The following SLC2A13 variants were observed in gnomAD, a reference collection of about 807,000 sequenced individuals.
SLC2A13 encodes the protein proton myo-inositol cotransporter.
In SLC2A13, 32 loss-of-function variants were observed where a neutral mutation model predicts 64.4. That is an observed-to-expected ratio of 0.50 (90% CI 0.37 to 0.67). The LOEUF (loss-of-function observed/expected upper bound fraction) is 0.67, where lower values mean the gene tolerates loss of function less well. Among genes scored for constraint, SLC2A13 ranks in the 30% least tolerant of loss-of-function variants. The pLI is 0.00. For synonymous variants in SLC2A13, 338 were observed against 327.1 expected, an observed-to-expected ratio of 1.03 and a Z score of -0.36; for missense variants, 743 against 829.2, an observed-to-expected ratio of 0.90 and a Z score of 1.28.
intron 1 of SLC2A13, among the ~76,000 whole-genome samples, chr12:40,049,103 T>C (rs1030325540): frequency 3.3e-5 from 5 of 152,142 alleles, no homozygotes; most frequent in Admixed American, 2.0e-4. Flanking sequence ...TCTGATTATT[T>C]AGCCTATTTT....
At chr12:40,104,972 G>A (rs997555032) in intron 1 of SLC2A13, among the ~76,000 whole-genome samples, 6 of 152,132 alleles carry the variant, frequency 3.9e-5, no homozygotes, top group African/African-American at 1.2e-4. Context: ...GTGCTGAGAG[G>A]CAACAACCAC....
chr12:39,787,309 T>C (rs1941227349), intron 7 of SLC2A13, among the ~76,000 whole-genome samples: 1 of 152,224 alleles, frequency 6.6e-6, no homozygotes, highest in South Asian at 2.1e-4. Context: ...GAAATGAAAT[T>C]AGTATTAAAA....
intron 1 of SLC2A13, among the ~76,000 whole-genome samples, chr12:40,055,153 T>A (rs879734609): frequency 6.6e-6 from 1 of 152,178 alleles, no homozygotes; most frequent in Non-Finnish European, 1.5e-5. Context: ...CAGTTTCTAC[T>A]TTTTTCTAAT....
At chr12:39,804,613 T>G (rs1341114124) in intron 7 of SLC2A13, among the ~76,000 whole-genome samples, 2 of 152,180 alleles carry the variant, frequency 1.3e-5, no homozygotes, top group African/African-American at 4.8e-5. Context: ...GTTAATTTAT[T>G]TATTCAATAA....
At chr12:40,003,464 C>T (rs1047333795) in intron 3 of SLC2A13, among the ~76,000 whole-genome samples, 4 of 152,114 alleles carry the variant, frequency 2.6e-5, no homozygotes, top group African/African-American at 7.2e-5. Flanking sequence ...GTCAGAGGTG[C>T]CCCATAGACA....
At chr12:39,782,318 A>C (rs1220604238) in intron 7 of SLC2A13, among the ~76,000 whole-genome samples, 1 of 152,084 alleles carries the variant, frequency 6.6e-6, no homozygotes, top group Non-Finnish European at 1.5e-5. Context: ...GAAGGTACCC[A>C]GGGGGAGCTA....
intron 1 of SLC2A13, among the ~76,000 whole-genome samples, chr12:40,099,014 C>T (rs1715486969): frequency 6.6e-6 from 1 of 152,206 alleles, no homozygotes; most frequent in African/African-American, 2.4e-5. Context: ...TGAAACGATG[C>T]TCCTGCCACG....
chr12:40,051,873 T>C (rs1302189683), intron 1 of SLC2A13, among the ~76,000 whole-genome samples: 1 of 152,170 alleles, frequency 6.6e-6, no homozygotes, highest in Non-Finnish European at 1.5e-5. Context: ...GGAAGATGCA[T>C]GATCAGGTTC....
chr12:40,047,434 A>T (rs866181149), intron 2 of SLC2A13, among the ~76,000 whole-genome samples: 1 of 152,202 alleles, frequency 6.6e-6, no homozygotes, highest in Non-Finnish European at 1.5e-5. Flanking sequence ...TGAGTACTAT[A>T]AAGATATCAA....
intron 1 of SLC2A13, among the ~76,000 whole-genome samples, chr12:40,078,648 T>C (rs888812236): frequency 6.6e-6 from 1 of 152,158 alleles, no homozygotes; most frequent in African/African-American, 2.4e-5. Context: ...TCTGGCCTCA[T>C]AATGAGTCAG....
intron 7 of SLC2A13, among the ~76,000 whole-genome samples, chr12:39,825,316 G>GA (rs1042956608): frequency 5.3e-5 from 8 of 151,888 alleles, no homozygotes; most frequent in Non-Finnish European, 1.2e-4. Flanking sequence ...GATAAATACA[G>GA]AAAAAAAATT....
chr12:39,771,908 C>T (rs1046203009), intron 7 of SLC2A13, among the ~76,000 whole-genome samples: 7 of 152,100 alleles, frequency 4.6e-5, no homozygotes, highest in Admixed American at 3.9e-4. Flanking sequence ...ACAGTCTAGA[C>T]CCAGTATCTC....
At chr12:39,809,690 T>A (rs547586016) in intron 7 of SLC2A13, among the ~76,000 whole-genome samples, 1 of 152,106 alleles carries the variant, frequency 6.6e-6, no homozygotes, top group African/African-American at 2.4e-5. Context: ...TGGTGTGTGA[T>A]GTTCCCCTTC....
In SLC2A13 at chr12:40,069,051, T is replaced by C. The variant is rs550973087; in HGVS notation, c.557-20841A>G. ...GTCTTGCATACATTTATGCATCTCA[T>C]TTGTGCTTAGCTAATGGATAATTAT... On this transcript the variant is annotated intron_variant, in intron 1 of 9. Coordinates refer to ENST00000280871, the MANE Select transcript of SLC2A13 (RefSeq NM_052885.4). 2.0e-5 allele frequency among the ~76,000 whole-genome samples: 3 copies of C among 152,204 alleles called. No homozygotes were observed. The South Asian group carries it at 6.2e-4, about 32-fold the overall frequency.
intron 1 of SLC2A13, among the ~76,000 whole-genome samples, chr12:40,073,792 T>C (rs1938056674): frequency 6.6e-6 from 1 of 151,896 alleles, no homozygotes; most frequent in African/African-American, 2.4e-5. Context: ...TTATTTATTA[T>C]GATCTGGCTT....
chr12:40,104,873 A>T (rs1395543763), intron 1 of SLC2A13, among the ~76,000 whole-genome samples: 1 of 152,216 alleles, frequency 6.6e-6, no homozygotes, highest in Non-Finnish European at 1.5e-5. Context: ...GGGACAGTGC[A>T]GGAAAGCAGA....
At chr12:40,079,030 G>A (rs1938291133) in intron 1 of SLC2A13, among the ~76,000 whole-genome samples, 1 of 151,888 alleles carries the variant, frequency 6.6e-6, no homozygotes, top group African/African-American at 2.4e-5. Flanking sequence ...TTCTTTATTG[G>A]TCTAGCTAAC....
At chr12:39,895,285 T>C (rs143682165) in intron 4 of SLC2A13, among the ~76,000 whole-genome samples, 58 of 151,730 alleles carry the variant, frequency 3.8e-4, no homozygotes, top group African/African-American at 1.4e-3. Flanking sequence ...GGACAGGAGA[T>C]TGAGACCATC....
At chr12:40,084,412 C>G (rs1478898759) in intron 1 of SLC2A13, among the ~76,000 whole-genome samples, 2 of 152,182 alleles carry the variant, frequency 1.3e-5, no homozygotes, top group Non-Finnish European at 2.9e-5. Flanking sequence ...AAAGACTGCA[C>G]TCTTCAACTT....
Sources: allele counts gnomAD v4.1 joint callset (sites outside exome capture counted in the v4.1 genomes callset), GRCh38; gene constraint gnomAD v4.1.1; transcripts MANE v1.5; gene names NCBI Gene and HGNC (gene_info 2026-07-23, HGNC 2026-07-21).